Variants in SRCIN1 observed in about 807,000 individuals in gnomAD.
SRCIN1 encodes the protein P130Cas-associated protein.
A neutral mutation model predicts 116.2 loss-of-function variants in SRCIN1; 50 were observed. The ratio of observed to expected loss-of-function variants is 0.43; its 90% confidence interval spans 0.34 to 0.54. The LOEUF (loss-of-function observed/expected upper bound fraction) is 0.54, where lower values mean the gene tolerates loss of function less well. SRCIN1 is among the 20% of genes least tolerant of loss of function. The pLI is 0.02. For missense variants in SRCIN1, 1,446 were observed against 1,672.0 expected (o/e 0.86, Z 2.36); for synonymous variants, 736 against 750.0 (o/e 0.98, Z 0.30).
intron 17 of SRCIN1, among the ~76,000 whole-genome samples, chr17:38,547,187 G>A (rs369402736): frequency 2.0e-5 from 3 of 152,218 alleles, no homozygotes; most frequent in Admixed American, 6.5e-5. Context: ...AGAGGGCATC[G>A]TAGGCCCTTG....
Position 38,551,923 on chromosome 17 carries a change from G to C in SRCIN1, c.2690C>G (p.Pro897Arg). 6.2e-7 allele frequency: 1 copy of C among 1,614,050 alleles called. No homozygotes were observed. The highest frequency in any genetic ancestry group is 1.1e-5 in the South Asian group (1 of 91,086). Residue 897 changes from proline (P) to arginine (R), a missense_variant, in exon 14 of 19, where the codon CCT (proline) becomes CGT (arginine). Coordinates refer to ENST00000617146, the MANE Select transcript of SRCIN1 (RefSeq NM_025248.3). The stretch of plus-strand genomic sequence containing the variant: ...AGCTTTGTCCACGCTTCTCTTGCCA[G>C]GAGTGTCCAGGCCTTTGGTGGGGTT... The part of the protein sequence containing the change: ...GGNPTKGLDT[P>R]GKRSVDKAVS...
At chr17:38,550,338 C>CA (rs1385295130) in intron 15 of SRCIN1, among the ~76,000 whole-genome samples, 8 of 151,782 alleles carry the variant, frequency 5.3e-5, no homozygotes, top group African/African-American at 1.9e-4. Flanking sequence ...ACTAAAAATA[C>CA]AAAAAAATTA....
chr17:38,581,412 A>AAAAAAAG (rs1340601926), intron 1 of SRCIN1, among the ~76,000 whole-genome samples: 1 of 143,032 alleles, frequency 7.0e-6, no homozygotes, highest in Non-Finnish European at 1.5e-5. Context: ...TCTCAAAAAA[A>AAAAAAAG]AAAAAAGAAA....
chr17:38,590,907 A>C (rs1191533255), intron 1 of SRCIN1, among the ~76,000 whole-genome samples: 1 of 152,110 alleles, frequency 6.6e-6, no homozygotes, highest in Non-Finnish European at 1.5e-5. Context: ...ACGCTGAAAC[A>C]ACCCTCCTTC....
intron 11 of SRCIN1, among the ~76,000 whole-genome samples, chr17:38,557,284 C>T (rs748333446): frequency 2.0e-5 from 3 of 152,318 alleles, no homozygotes; most frequent in East Asian, 1.9e-4. Context: ...TCCTGGCTCC[C>T]GGAGTCACTG....
chr17:38,537,407 G>A (rs1904454158), intron 18 of SRCIN1, among the ~76,000 whole-genome samples: 1 of 151,920 alleles, frequency 6.6e-6, no homozygotes, highest in Admixed American at 6.6e-5. Context: ...GGCTGAGGCG[G>A]GAGGATGGAT....
chr17:38,540,020 C>CA (rs71138631), intron 18 of SRCIN1, among the ~76,000 whole-genome samples: 14,303 of 60,214 alleles, frequency 0.24, 1,804 homozygotes, highest in African/African-American at 0.34. Context: ...GACTCCATCT[C>CA]AAAAAAAAAA....
rs1906513572 is a variant in SRCIN1, at chr17:38,564,289, C to T, written c.370G>A (p.Gly124Arg). 2 of 1,567,712 alleles carry T rather than the reference C, an allele frequency of 1.3e-6. No individual in the cohort carries two copies. The highest frequency in any genetic ancestry group is 1.8e-5 in the Admixed American group (1 of 54,302). Residue 124 changes from glycine to arginine, a missense_variant, in exon 4 of 19, where the codon GGA (glycine) becomes AGA (arginine). This residue lies in a region of SRCIN1 where 246 missense variants were observed against 265.1 expected (regional missense o/e 0.93). Coordinates refer to ENST00000617146, the MANE Select transcript of SRCIN1 (RefSeq NM_025248.3). The stretch of plus-strand genomic sequence containing the variant: ...TGGTCTGCCAGCCCGGGCTGGGCTC[C>T]CTGAGTGTGGCGTGAGCTGCGGGTC... The part of the protein sequence containing the change: ...FKTRSSRHTQ[G>R]AQPGLADQAA...
chr17:38,602,321 C>A lies in SRCIN1; in HGVS notation c.22+3363G>T, dbSNP rs991578961. 10 of 152,272 alleles carry A rather than the reference C, an allele frequency of 6.6e-5. No individual in the cohort carries two copies. Among genetic ancestry groups the A allele is most frequent in the Non-Finnish European group, 4.4e-5 (3 of 68,058 alleles). 9.4% of individuals were successfully genotyped at this position (152,272 alleles called of 1,614,324 possible). On this transcript the variant is annotated intron_variant, in intron 1 of 18. Transcript: ENST00000617146. This position sits in a 1 kb window ranked among gnomAD's most constrained non-coding sequence, Gnocchi z 4.2. ...GAAGCGAGTACAGCCCTCAAACCCG[C>A]TGACGGCCAGATTTTTATTATCTTT...
At position 38,563,540 on chromosome 17, in the gene SRCIN1, C is replaced by T; in HGVS notation, c.542-19G>A. ...AGCACCCCTGCGAAGGAGACGCCGC[C>T]CTCGCTGTCACTGCTGCCGTCTCCA... On this transcript the variant is annotated intron_variant, in intron 4 of 18. Transcript: ENST00000617146. This position sits in a 1 kb window ranked among gnomAD's most constrained non-coding sequence, Gnocchi z 5.8. 6.5e-7 allele frequency: 1 copy of T among 1,544,350 alleles called. No individual in the cohort carries two copies. Among genetic ancestry groups the T allele is most frequent in the South Asian group, 1.2e-5 (1 of 84,060 alleles).
chr17:38,542,145 G>A (rs1390603489), intron 18 of SRCIN1: 2 of 152,452 alleles, frequency 1.3e-5, no homozygotes, highest in East Asian at 1.9e-4. Context: ...AGGCAACCCC[G>A]GAGATGGGGT....
Position 38,560,244 on chromosome 17 carries a change from A to G in SRCIN1, c.1793+89T>C, listed in dbSNP as rs1906144606. On this transcript the variant is annotated intron_variant, in intron 8 of 18. Coordinates refer to ENST00000617146, the MANE Select transcript of SRCIN1 (RefSeq NM_025248.3). ...GGAAGGGATTCACCCAGGGTCACCCAGTGAGACACTGGCAGAGCCGATGCC... is the reference window on the plus strand; with the variant it reads ...GGAAGGGATTCACCCAGGGTCACCCGGTGAGACACTGGCAGAGCCGATGCC... 5.6e-5 allele frequency: 80 copies of G among 1,437,842 alleles called. No homozygotes were observed. The South Asian group carries it at 1.0e-3, about 19-fold the overall frequency. 89.1% of individuals were successfully genotyped at this position (1,437,842 alleles called of 1,614,324 possible). A position where few individuals can be genotyped will look rare whatever the true frequency, so the allele number is the denominator to read the frequency against.
At position 38,578,801 on chromosome 17, in the gene SRCIN1, G is replaced by A; in HGVS notation, c.23-10C>T. 1 of 1,481,780 alleles carries A rather than the reference G, an allele frequency of 6.7e-7. No individual in the cohort carries two copies. The highest frequency in any genetic ancestry group is 8.9e-7 in the Non-Finnish European group (1 of 1,118,568). The allele number at this position is 1,481,780 out of a possible 1,614,324, so 91.8% of individuals were successfully genotyped here. On this transcript the variant is annotated splice_polypyrimidine_tract_variant and intron_variant, in intron 1 of 18. Coordinates refer to ENST00000617146, the MANE Select transcript of SRCIN1 (RefSeq NM_025248.3). ...CTGCTCCGCTCCGGATCTGCGAGAG[G>A]TGAGAGGGGCACGGCTGGGTCACGG... is the stretch of plus-strand genomic sequence containing the variant.
chr17:38,595,406 C>G (rs887643334), intron 1 of SRCIN1, among the ~76,000 whole-genome samples: 4 of 152,154 alleles, frequency 2.6e-5, no homozygotes, highest in African/African-American at 9.7e-5. Context: ...TTAGTAGAGA[C>G]AGGGTTTCAC....
At chr17:38,576,785 C>T (rs1241045736) in intron 2 of SRCIN1, among the ~76,000 whole-genome samples, 1 of 152,116 alleles carries the variant, frequency 6.6e-6, no homozygotes, top group Non-Finnish European at 1.5e-5. Context: ...GCAGCTTAGC[C>T]TTAGACCTAC....
intron 1 of SRCIN1, among the ~76,000 whole-genome samples, chr17:38,590,117 G>T (rs569857638): frequency 2.0e-5 from 3 of 152,176 alleles, no homozygotes; most frequent in South Asian, 4.1e-4. Context: ...CCCCTTCTGC[G>T]AAAGACACAA....
At chr17:38,591,293 C>T (rs55808214) in intron 1 of SRCIN1, among the ~76,000 whole-genome samples, 9,959 of 152,262 alleles carry the variant, frequency 0.065, 392 homozygotes, top group African/African-American at 0.11. Context: ...GCCCATGGCC[C>T]TCAGGGGAAC....
rs1378731676 is a variant in SRCIN1, at chr17:38,558,618, G to A, written c.2026-216C>T. Among the ~76,000 whole-genome samples the A allele has an allele frequency of 6.6e-6, 1 of 152,180 alleles. No individual in the cohort carries two copies. The highest frequency in any genetic ancestry group is 1.5e-5 in the Non-Finnish European group (1 of 68,032). On this transcript the variant is annotated intron_variant, in intron 10 of 18. Coordinates refer to ENST00000617146, the MANE Select transcript of SRCIN1 (RefSeq NM_025248.3). This position sits in a 1 kb window ranked among gnomAD's most constrained non-coding sequence, Gnocchi z 4.6. ...GGCAGGGGCAGAGGGCTAAGTTCTG[G>A]GGAAGAACAGAGGCAGGAGGAGAAC...
chr17:38,560,881 T>G (rs1027646245), intron 7 of SRCIN1, among the ~76,000 whole-genome samples: 5 of 152,192 alleles, frequency 3.3e-5, no homozygotes, highest in African/African-American at 1.2e-4. Context: ...TGAAGGCCAA[T>G]GGCTTCTCTT....
Sources: gnomAD v4.1 joint callset for allele counts (sites outside exome capture counted in the v4.1 genomes callset) on GRCh38, gnomAD v4.1.1 for gene constraint, gnomAD v4.1.1 regional missense constraint, Gnocchi (gnomAD v3.1) non-coding constraint, MANE v1.5 for transcripts, NCBI Gene and HGNC (gene_info 2026-07-23, HGNC 2026-07-21) for gene names.